AMBRA1: variants seen among roughly 807,000 people sequenced by gnomAD.
The protein encoded by AMBRA1 is activating molecule in BECN1-regulated autophagy protein 1.
A neutral mutation model predicts 125.4 loss-of-function variants in AMBRA1; 47 were observed. The ratio of observed to expected loss-of-function variants is 0.37; its 90% CI spans 0.30 to 0.48. The LOEUF is 0.48. Ranked by LOEUF, AMBRA1 falls within the 20% of genes least tolerant of loss-of-function variation. The pLI is 0.99. For synonymous variants in AMBRA1, 626 were observed against 655.5 expected (o/e 0.95, Z 0.69); for missense variants, 1,331 against 1,693.4 (o/e 0.79, Z 3.76).
intron 7 of AMBRA1, among the ~76,000 whole-genome samples, chr11:46,514,384 A>G (rs1294429092): frequency 6.6e-6 from 1 of 152,192 alleles, no homozygotes; most frequent in Non-Finnish European, 1.5e-5. Context: ...CTCTCTAGAC[A>G]AGGCCTATAT....
intron 1 of AMBRA1, 25 bp downstream of exon 1, chr11:46,593,803 C>G: frequency 2.5e-6 from 1 of 395,160 alleles, no homozygotes; most frequent in Non-Finnish European, 4.5e-6. Context: ...CCGGGCTGGG[C>G]CTCCCAGGCT....
chr11:46,547,283 A>G lies in AMBRA1; in HGVS notation c.208T>C (p.Ser70Pro). The change falls in exon 4 of 18, where the codon TCC becomes CCC. Residue 70 changes from serine (S) to proline (P), a missense_variant. By Grantham distance (74) the Ser-to-Pro change is moderately conservative. Transcript: ENST00000683756. ...TAGATATTATGGTTCACATGGGTGG[A>G]GGCTAAGAGAGTCCTAGAAAATCAA... ...AFSPDRTLLASTHVNHNIYIT... is the reference protein window; with the variant it reads ...AFSPDRTLLAPTHVNHNIYIT... 1 of 1,607,160 alleles carries G rather than the reference A, an allele frequency of 6.2e-7. No individual in the cohort carries two copies.
chr11:46,570,247 G>T (rs916945436), intron 1 of AMBRA1, among the ~76,000 whole-genome samples: 1 of 125,126 alleles, frequency 8.0e-6, no homozygotes, highest in African/African-American at 3.0e-5. Context: ...GGGCAACACA[G>T]TGAGACCATG....
intron 1 of AMBRA1, among the ~76,000 whole-genome samples, chr11:46,578,872 G>C (rs2044064159): frequency 1.1e-5 from 1 of 91,204 alleles, no homozygotes; most frequent in Non-Finnish European, 1.9e-5. Flanking sequence ...GCGACAGAGA[G>C]ACTCAGTCTC....
intron 14 of AMBRA1, among the ~76,000 whole-genome samples, chr11:46,424,823 T>C (rs1321179227): frequency 6.6e-6 from 1 of 151,814 alleles, no homozygotes; most frequent in Non-Finnish European, 1.5e-5. Flanking sequence ...GTGGGTGAGA[T>C]CCTGTGTCTT....
chr11:46,572,578 C>T (rs1355168270), intron 1 of AMBRA1, among the ~76,000 whole-genome samples: 1 of 152,148 alleles, frequency 6.6e-6, no homozygotes, highest in Non-Finnish European at 1.5e-5. Flanking sequence ...TAAAGAACTG[C>T]CTATCTTTGA....
chr11:46,583,397 G>A lies in AMBRA1; in HGVS notation c.-121+10431C>T, dbSNP rs538086550. 4.0e-5 allele frequency among the ~76,000 whole-genome samples: 6 copies of A among 151,540 alleles called. No individual in the cohort carries two copies. In the South Asian group the frequency reaches 8.4e-4, roughly 21 times the overall value. On this transcript the variant is annotated intron_variant, in intron 1 of 17. Transcript: ENST00000683756. ...ACGTTAGACCTAAAACCATAAAAACGCTAGAAGAAAACCTAGGCATTACCA... is the reference window on the plus strand; with the variant it reads ...ACGTTAGACCTAAAACCATAAAAACACTAGAAGAAAACCTAGGCATTACCA...
chr11:46,530,051 C>A (rs1190100316), intron 7 of AMBRA1, among the ~76,000 whole-genome samples: 1 of 152,186 alleles, frequency 6.6e-6, no homozygotes, highest in African/African-American at 2.4e-5. Flanking sequence ...GAACCCCATA[C>A]ACCTGGTGTT....
At chr11:46,436,378 T>C (rs958470195) in intron 12 of AMBRA1, among the ~76,000 whole-genome samples, 1 of 152,218 alleles carries the variant, frequency 6.6e-6, no homozygotes, top group Non-Finnish European at 1.5e-5. Flanking sequence ...GGCATTAGAA[T>C]ACATTGATTA....
rs571354122 is a variant in AMBRA1, at chr11:46,463,696, T to C, written c.2522-20098A>G. Among the ~76,000 whole-genome samples, 18 of 152,324 alleles carry C rather than the reference T, an allele frequency of 1.2e-4. No individual in the cohort carries two copies. The South Asian group carries it at 3.7e-3, about 32-fold the overall frequency. On this transcript the variant is annotated intron_variant, in intron 11 of 17. Transcript: ENST00000683756. ...ATTCCTAAAAATCTTTTGTCTGATTTCTGCAACTCCAGGAAAGCACCCAAC... is the reference window on the plus strand; with the variant it reads ...ATTCCTAAAAATCTTTTGTCTGATTCCTGCAACTCCAGGAAAGCACCCAAC...
At chr11:46,478,135 C>A (rs1590909806) in intron 11 of AMBRA1, among the ~76,000 whole-genome samples, 1 of 152,146 alleles carries the variant, frequency 6.6e-6, no homozygotes, top group East Asian at 1.9e-4. Flanking sequence ...TAACCAATCT[C>A]AATAATGCCA....
chr11:46,547,882 GAC>G lies in AMBRA1; in HGVS notation c.136-9_136-8del. On this transcript the variant is annotated splice_polypyrimidine_tract_variant and splice_region_variant and intron_variant, in intron 2 of 17. Coordinates refer to ENST00000683756, the MANE Select transcript of AMBRA1 (RefSeq NM_001387011.1). Reference sequence around the variant, plus strand: ...TATCCGGCAGTTCTACTCTCTGGGAGACAAAAAAAAAAAAAAAGTTAAAATAC... The same window carrying G: ...TATCCGGCAGTTCTACTCTCTGGGAGAAAAAAAAAAAAAAAGTTAAAATAC... 2.0e-6 allele frequency: 3 copies of G among 1,517,158 alleles called. No homozygotes were observed. Among genetic ancestry groups the G allele is most frequent in the South Asian group, 1.2e-5 (1 of 80,264 alleles). 94.0% of individuals were successfully genotyped at this position (1,517,158 alleles called of 1,614,324 possible).
intron 7 of AMBRA1, among the ~76,000 whole-genome samples, chr11:46,528,214 C>G (rs912925430): frequency 6.6e-6 from 1 of 152,048 alleles, no homozygotes; most frequent in Non-Finnish European, 1.5e-5. Context: ...GCTTTGTCAC[C>G]CAGGTTGGAG....
intron 1 of AMBRA1, chr11:46,591,181 ACT>A (rs1376511570): frequency 6.6e-6 from 1 of 152,128 alleles, no homozygotes; most frequent in African/African-American, 2.4e-5. Context: ...AGTCCTTATA[ACT>A]CTAAATTCTA....
intron 3 of AMBRA1, 65 bp downstream of exon 3, chr11:46,547,751 AG>A: frequency 6.7e-7 from 1 of 1,501,330 alleles, no homozygotes. Flanking sequence ...TGGAAGATCA[AG>A]CCAGGCCAAA....
chr11:46,462,385 C>T (rs1949135052), intron 11 of AMBRA1, among the ~76,000 whole-genome samples: 1 of 152,202 alleles, frequency 6.6e-6, no homozygotes, highest in South Asian at 2.1e-4. Context: ...ACAAAACCAT[C>T]TATCTTCCTC....
At position 46,397,872 on chromosome 11, in the gene AMBRA1, C is replaced by T. The variant is rs1388623651; in HGVS notation, c.3475G>A (p.Gly1159Ser). 4 of 1,600,118 alleles carry T rather than the reference C, an allele frequency of 2.5e-6. No homozygotes were observed. The highest frequency in any genetic ancestry group is 2.2e-5 in the East Asian group (1 of 44,880). ...TCCCGCTGCACCACGGCTGTCATGC[C>T]GCCCTCCGCCATCAGCCTCTGGATC... ...SRIQRLMAEG[G>S]MTAVVQREQS... The change falls in exon 18 of 18, where the codon GGC becomes AGC. Residue 1159 changes from glycine (G) to serine (S), a missense_variant. By Grantham distance (56) the Gly-to-Ser change is moderately conservative. Coordinates refer to ENST00000683756, the MANE Select transcript of AMBRA1 (RefSeq NM_001387011.1).
intron 1 of AMBRA1, among the ~76,000 whole-genome samples, chr11:46,568,324 G>A (rs1398650911): frequency 2.0e-5 from 3 of 151,978 alleles, no homozygotes; most frequent in Non-Finnish European, 4.4e-5. Context: ...CGGGAGTGGT[G>A]GCAGGCGCCT....
intron 11 of AMBRA1, among the ~76,000 whole-genome samples, chr11:46,450,066 A>C (rs1019766094): frequency 2.0e-5 from 3 of 152,102 alleles, no homozygotes; most frequent in Admixed American, 2.0e-4. Context: ...CAAAAAAAAA[A>C]AAAAAAACAA....
Sources: gnomAD v4.1 joint callset for allele counts (sites outside exome capture counted in the v4.1 genomes callset) on GRCh38, gnomAD v4.1.1 for gene constraint, MANE v1.5 for transcripts, NCBI Gene and HGNC (gene_info 2026-07-23, HGNC 2026-07-21) for gene names.